Variants in RIC3 observed in about 807,000 individuals in gnomAD.
RIC3 encodes RIC3 acetylcholine receptor chaperone, also known as protein RIC-3.
A neutral mutation model predicts 27.3 loss-of-function variants in RIC3; 28 were observed. The ratio of observed to expected loss-of-function variants is 1.02; its 90% CI spans 0.76 to 1.41. The LOEUF (loss-of-function observed/expected upper bound fraction) is 1.41, where lower values mean the gene tolerates loss of function less well. Among genes scored for constraint, RIC3 ranks in the 40% most tolerant of loss-of-function variants. The probability of loss-of-function intolerance (pLI) is 0.00; values close to 1 mark genes in which losing one functional copy is unlikely to be tolerated. For synonymous variants in RIC3, 184 were observed against 160.4 expected (o/e 1.15, Z -1.11); for missense variants, 501 against 444.7 (o/e 1.13, Z -1.14).
At chr11:8,147,993 G>A (rs912062018) in intron 1 of RIC3, among the ~76,000 whole-genome samples, 2 of 152,112 alleles carry the variant, frequency 1.3e-5, no homozygotes, top group African/African-American at 4.8e-5. Flanking sequence ...CCAAAGTGCT[G>A]GGATTACAGG....
At chr11:8,122,720 A>G (rs981541933) in intron 5 of RIC3, among the ~76,000 whole-genome samples, 1 of 152,166 alleles carries the variant, frequency 6.6e-6, no homozygotes, top group African/African-American at 2.4e-5. Flanking sequence ...AAAATGTTAA[A>G]GCTTTAAAGG....
chr11:8,103,764 C>T (rs1301476209), downstream of RIC3: 2 of 152,644 alleles, frequency 1.3e-5, no homozygotes, highest in Non-Finnish European at 2.9e-5. Context: ...TAGATCGTCT[C>T]TAATGTTAGG....
At position 8,110,877 on chromosome 11, in the gene RIC3, C is replaced by T. The variant is rs1186575924; in HGVS notation, c.931G>A (p.Glu311Lys). ...ETCSCCFHED[E>K]DPAVLAENAG... ...TTCTCTGCCAAGACAGCAGGATCCTCGTCTTCATGAAAACAGCAGGAACAT... is the reference window on the plus strand; with the variant it reads ...TTCTCTGCCAAGACAGCAGGATCCTTGTCTTCATGAAAACAGCAGGAACAT... The change falls in exon 6 of 6, where the codon GAG (glutamate) becomes AAG (lysine). Residue 311 changes from glutamate to lysine, a missense_variant. By Grantham distance (56) the Glu-to-Lys change is moderately conservative. Coordinates refer to ENST00000309737, the MANE Select transcript of RIC3 (RefSeq NM_001206671.4). 1.2e-6 allele frequency: 2 copies of T among 1,614,180 alleles called. No individual in the cohort carries two copies. The highest frequency in any genetic ancestry group is 1.7e-6 in the Non-Finnish European group (2 of 1,180,028).
At chr11:8,139,842 G>C (rs765025857) in intron 2 of RIC3, 125 bp downstream of exon 2, 1 of 817,870 alleles carries the variant, frequency 1.2e-6, no homozygotes, top group Non-Finnish European at 1.9e-6. Context: ...AGAGGAGGCA[G>C]GATTTAAAGA....
the RIC3 span, chr11:8,097,549 C>A: frequency 1.4e-6 from 2 of 1,397,060 alleles, no homozygotes; most frequent in East Asian, 2.3e-5. Flanking sequence ...AAACTGCCTT[C>A]GTGTCTGGTC....
rs1944981146 is a variant in RIC3 at position 8,109,173 on chromosome 11, T to G, written c.*1525A>C. 1 of 152,214 alleles carries G rather than the reference T, an allele frequency of 6.6e-6. No individual in the cohort carries two copies. Among genetic ancestry groups the G allele is most frequent in the African/African-American group, 2.4e-5 (1 of 41,456 alleles). The allele number at this position is 152,214 out of a possible 1,614,324, so 9.4% of individuals were successfully genotyped here. ...GATTATCTTAATATGATCCCATACC[T>G]TCTAACAGCAGTCTGTATGCTGATG... On this transcript the variant is annotated 3_prime_UTR_variant, in exon 6 of 6. Coordinates refer to ENST00000309737, the MANE Select transcript of RIC3 (RefSeq NM_001206671.4).
At chr11:8,154,885 T>C (rs1950540684) in intron 1 of RIC3, among the ~76,000 whole-genome samples, 1 of 152,158 alleles carries the variant, frequency 6.6e-6, no homozygotes, top group South Asian at 2.1e-4. Context: ...AAGTATTCTG[T>C]AAAAGGGAAC....
chr11:8,135,204 TAGCC>T, intron 4 of RIC3, among the ~76,000 whole-genome samples: 1 of 152,368 alleles, frequency 6.6e-6, no homozygotes, highest in Middle Eastern at 3.4e-3. Flanking sequence ...TACATATGGC[TAGCC>T]AGTTTTCCCA....
chr11:8,132,628 A>G (rs1015795788), intron 4 of RIC3, among the ~76,000 whole-genome samples: 1 of 152,364 alleles, frequency 6.6e-6, no homozygotes, highest in South Asian at 2.1e-4. Context: ...TGATTAGATA[A>G]TATCAAAAAC....
At chr11:8,156,075 T>C (rs954935439) in intron 1 of RIC3, among the ~76,000 whole-genome samples, 2 of 152,206 alleles carry the variant, frequency 1.3e-5, no homozygotes, top group African/African-American at 4.8e-5. Flanking sequence ...TCCTATATAT[T>C]ACTAAAAGAG....
At chr11:8,097,152 A>C in the RIC3 span, 1 of 1,529,106 alleles carries the variant, frequency 6.5e-7, no homozygotes, top group Admixed American at 1.7e-5. Context: ...GTTAGGAGGC[A>C]GATTTGGATC....
chr11:8,100,568 G>C, the RIC3 span: 2 of 1,613,998 alleles, frequency 1.2e-6, no homozygotes, highest in Non-Finnish European at 1.7e-6. Context: ...GCATGAACAT[G>C]GTTCATGAGA....
chr11:8,094,722 C>G, the RIC3 span, among the ~76,000 whole-genome samples: 1 of 152,252 alleles, frequency 6.6e-6, no homozygotes, highest in Admixed American at 6.5e-5. Context: ...AGATTAAGGA[C>G]AGTGATTGGC....
At position 8,107,166 on chromosome 11, in the gene RIC3, A is replaced by C. The variant is rs1183298264; in HGVS notation, c.*3532T>G. 3.3e-5 allele frequency: 5 copies of C among 152,272 alleles called. No individual in the cohort carries two copies. Among genetic ancestry groups the C allele is most frequent in the African/African-American group, 4.8e-5 (2 of 41,476 alleles). The allele number at this position is 152,272 out of a possible 1,614,324, so 9.4% of individuals were successfully genotyped here. A position where few individuals can be genotyped will look rare whatever the true frequency, so the allele number is the denominator to read the frequency against. On this transcript the variant is annotated 3_prime_UTR_variant, in exon 6 of 6. Transcript: ENST00000309737. ...AAAAGTCAATGGTCAAGGCAAAGTCATAAATGTGTTCATGTTTTTTCTCAA... is the reference window on the plus strand; with the variant it reads ...AAAAGTCAATGGTCAAGGCAAAGTCCTAAATGTGTTCATGTTTTTTCTCAA...
chr11:8,111,266 T>G, intron 5 of RIC3, 129 bp from the exon 6 acceptor site: 1 of 683,384 alleles, frequency 1.5e-6, no homozygotes, highest in East Asian at 2.7e-5. Flanking sequence ...AAGACATCTC[T>G]AAGATTCCAA....
chr11:8,136,367 C>T (rs1418128460), intron 4 of RIC3, among the ~76,000 whole-genome samples: 1 of 152,214 alleles, frequency 6.6e-6, no homozygotes, highest in East Asian at 1.9e-4. Context: ...TCAACACTTC[C>T]TTCTGCATGG....
chr11:8,104,803 T>A (rs1944468203), downstream of RIC3: 1 of 152,182 alleles, frequency 6.6e-6, no homozygotes, highest in Admixed American at 6.6e-5. Context: ...AAGCACATAA[T>A]GTCCAGATCT....
At chr11:8,101,861 G>A (rs569760785), downstream of RIC3, 764 of 568,656 alleles carry the variant, frequency 1.3e-3, 2 homozygotes, top group Admixed American at 1.5e-3. Flanking sequence ...TCCATGCCAC[G>A]AGATCAACAC....
chr11:8,111,272 T>A (rs998220306), intron 5 of RIC3, 135 bp from the exon 6 acceptor site: 9 of 665,976 alleles, frequency 1.4e-5, no homozygotes, highest in Non-Finnish European at 2.3e-5. Flanking sequence ...TCTCTAAGAT[T>A]CCAATAGTTC....
Sources: gnomAD v4.1 joint callset for allele counts (sites outside exome capture counted in the v4.1 genomes callset) on GRCh38, gnomAD v4.1.1 for gene constraint, MANE v1.5 for transcripts, NCBI Gene and HGNC (gene_info 2026-07-23, HGNC 2026-07-21) for gene names.